CLTB: variants seen among roughly 807,000 people sequenced by gnomAD.
CLTB encodes clathrin, light chain (Lcb).
In CLTB, 10 loss-of-function variants were observed where a neutral mutation model predicts 30.5. The ratio of observed to expected loss-of-function variants is 0.33; its 90% CI spans 0.20 to 0.56. The LOEUF (loss-of-function observed/expected upper bound fraction) is 0.56. Ranked by LOEUF, CLTB falls within the 20% of genes least tolerant of loss-of-function variation. CLTB has a pLI of 0.91. For missense variants in CLTB, 261 were observed against 308.3 expected, an observed-to-expected ratio of 0.85 and a Z score of 1.15; for synonymous variants, 102 against 120.3, an observed-to-expected ratio of 0.85 and a Z score of 1.00.
At chr5:176,394,638 C>T (rs1756424740) in intron 5 of CLTB, among the ~76,000 whole-genome samples, 1 of 132,256 alleles carries the variant, frequency 7.6e-6, no homozygotes, top group Non-Finnish European at 1.7e-5. Context: ...CACGGTGAAA[C>T]CCCGTCTCTA....
Position 176,410,666 on chromosome 5 carries a change from A to C in CLTB, c.188-363T>G, listed in dbSNP as rs138357325. ...CCCCTGGCCATGGCTGGGAATGGCC[A>C]GATTACCTGTGAAGCCTGTGCCTGG... On this transcript the variant is annotated intron_variant, in intron 1 of 5. Coordinates refer to ENST00000310418, the MANE Select transcript of CLTB (RefSeq NM_007097.5). Among the ~76,000 whole-genome samples, 742 of 151,874 alleles carry C rather than the reference A, an allele frequency of 4.9e-3. 3 individuals carry two copies. The highest frequency in any genetic ancestry group is 7.4e-3 in the Non-Finnish European group (504 of 67,866).
At position 176,397,732 on chromosome 5, in the gene CLTB, A is replaced by G. The variant is rs764319586; in HGVS notation, c.353-14T>C. The G allele has an allele frequency of 1.2e-6, 2 of 1,608,392 alleles. No individual in the cohort carries two copies. Among genetic ancestry groups the G allele is most frequent in the East Asian group, 2.2e-5 (1 of 44,804 alleles). On this transcript the variant is annotated splice_polypyrimidine_tract_variant and intron_variant, in intron 3 of 5. Coordinates refer to ENST00000310418, the MANE Select transcript of CLTB (RefSeq NM_007097.5). ...TAGATGCAGCATCTAGGACCCCACA[A>G]GAGAATGAGTGGCTGCTTTCCAGCT...
At chr5:176,398,849 C>T (rs1756676145) in intron 2 of CLTB, among the ~76,000 whole-genome samples, 1 of 152,020 alleles carries the variant, frequency 6.6e-6, no homozygotes, top group Admixed American at 6.6e-5. Context: ...CTCAAGACCT[C>T]ACTTTTTTTT....
intron 5 of CLTB, among the ~76,000 whole-genome samples, chr5:176,394,738 C>T (rs1212043706): frequency 6.6e-6 from 1 of 152,070 alleles, no homozygotes; most frequent in Non-Finnish European, 1.5e-5. Context: ...TTGCTTGAGC[C>T]CAGGAGGCGG....
At chr5:176,394,287 C>A in intron 5 of CLTB, among the ~76,000 whole-genome samples, 1 of 152,226 alleles carries the variant, frequency 6.6e-6, no homozygotes, top group Non-Finnish European at 1.5e-5. Context: ...GACGACAGAG[C>A]CTGTCAGAAA....
chr5:176,396,581 C>T, intron 4 of CLTB, 49 bp from the exon 5 acceptor site: 9 of 1,357,370 alleles, frequency 6.6e-6, no homozygotes, highest in Non-Finnish European at 9.5e-6. Flanking sequence ...AGGCAGATGG[C>T]AAGACAGACA....
chr5:176,395,486 AGAG>A (rs1756475684), intron 5 of CLTB, among the ~76,000 whole-genome samples: 1 of 152,244 alleles, frequency 6.6e-6, no homozygotes, highest in African/African-American at 2.4e-5. Context: ...GTGCCCTGTG[AGAG>A]GAGGCTTAGC....
In CLTB at chr5:176,400,205, AAAAG is replaced by A. The variant is rs202007442; in HGVS notation, c.235-2162_235-2159del. Among the ~76,000 whole-genome samples, 967 of 151,950 alleles carry A rather than the reference AAAAG, an allele frequency of 6.4e-3. 4 individuals are homozygous for A. The highest frequency in any genetic ancestry group is 0.021 in the African/African-American group (887 of 41,352). ...AAAGTGAGACTCTATCTCAAAAAAAAAAAGAAAGAAAGAAAGAAAGAAAAAAAGG... is the reference window on the plus strand; with the variant it reads ...AAAGTGAGACTCTATCTCAAAAAAAAAAAGAAAGAAAGAAAGAAAAAAAGG... On this transcript the variant is annotated intron_variant, in intron 2 of 5. Coordinates refer to ENST00000310418, the MANE Select transcript of CLTB (RefSeq NM_007097.5).
chr5:176,399,877 CAA>C (rs750656977), intron 2 of CLTB, among the ~76,000 whole-genome samples: 17 of 108,756 alleles, frequency 1.6e-4, no homozygotes, highest in African/African-American at 1.4e-4. Context: ...GACTTGGTCT[CAA>C]AAAAAAAAAA....
chr5:176,395,662 A>G (rs1449985608), intron 5 of CLTB, among the ~76,000 whole-genome samples: 2 of 152,088 alleles, frequency 1.3e-5, no homozygotes, highest in Non-Finnish European at 2.9e-5. Flanking sequence ...TTGATTACTC[A>G]TCACACCAAG....
chr5:176,413,938 C>A (rs1279921375), intron 1 of CLTB, among the ~76,000 whole-genome samples: 1 of 152,184 alleles, frequency 6.6e-6, no homozygotes, highest in Non-Finnish European at 1.5e-5. Context: ...GTCATTGTTT[C>A]TCTCCCTGTC....
At chr5:176,398,082 G>C in intron 2 of CLTB, 35 bp from the exon 3 acceptor site, 1 of 1,586,132 alleles carries the variant, frequency 6.3e-7, no homozygotes, top group Non-Finnish European at 8.7e-7. Context: ...TATCCAGCCA[G>C]CACACCTGCC....
intron 2 of CLTB, among the ~76,000 whole-genome samples, chr5:176,400,555 G>C (rs1285104691): frequency 6.6e-6 from 1 of 152,124 alleles, no homozygotes; most frequent in Non-Finnish European, 1.5e-5. Context: ...GGCACCCTCT[G>C]GTCTGGCAAA....
At chr5:176,398,973 G>A (rs1442974359) in intron 2 of CLTB, among the ~76,000 whole-genome samples, 1 of 151,832 alleles carries the variant, frequency 6.6e-6, no homozygotes, top group Non-Finnish European at 1.5e-5. Flanking sequence ...CTCCTGAGTA[G>A]CTGGGATTAC....
chr5:176,410,343 G>C (rs1205137611), intron 1 of CLTB, 40 bp from the exon 2 acceptor site: 7 of 1,588,120 alleles, frequency 4.4e-6, no homozygotes, highest in Non-Finnish European at 6.0e-6. Flanking sequence ...TCACTGTTTA[G>C]CTTATAGCAA....
chr5:176,397,967 C>A lies in CLTB; in HGVS notation c.315G>T (p.Lys105Asn). 6.2e-7 allele frequency: 1 copy of A among 1,614,130 alleles called. No homozygotes were observed. The highest frequency in any genetic ancestry group is 8.5e-7 in the Non-Finnish European group (1 of 1,180,048). ...RLTQEPESIR[K>N]WREEQRKRLQ... Reference sequence around the variant, plus strand: ...GCCGTTTCCTCTGCTCCTCTCGCCACTTGCGGATGCTCTCAGGCTCCTGGG... The same window carrying A: ...GCCGTTTCCTCTGCTCCTCTCGCCAATTGCGGATGCTCTCAGGCTCCTGGG... Residue 105 changes from lysine (K) to asparagine (N), a missense_variant, in exon 3 of 6, where the codon AAG becomes AAT. By Grantham distance (94) the Lys-to-Asn change is moderately conservative. Coordinates refer to ENST00000310418, the MANE Select transcript of CLTB (RefSeq NM_007097.5).
chr5:176,403,040 C>G (rs1411863879), intron 2 of CLTB, among the ~76,000 whole-genome samples: 1 of 150,700 alleles, frequency 6.6e-6, no homozygotes, highest in East Asian at 1.9e-4. Context: ...CTCCATAAAG[C>G]CTGCCCTAAT....
intron 2 of CLTB, among the ~76,000 whole-genome samples, chr5:176,408,832 T>C (rs1757268216): frequency 6.6e-6 from 1 of 152,212 alleles, no homozygotes. Context: ...GTTTTCCTCG[T>C]TTTTTGCAGG....
At chr5:176,396,415 CAAG>C in intron 5 of CLTB, 61 bp downstream of exon 5, 1 of 1,395,172 alleles carries the variant, frequency 7.2e-7, no homozygotes, top group Non-Finnish European at 1.0e-6. Context: ...GCAGGAAACT[CAAG>C]AAACTGTGGT....
Sources: gnomAD v4.1 joint callset for allele counts (sites outside exome capture counted in the v4.1 genomes callset) on GRCh38, gnomAD v4.1.1 for gene constraint, MANE v1.5 for transcripts, NCBI Gene and HGNC (gene_info 2026-07-23, HGNC 2026-07-21) for gene names.